The following DMRT1 variants were observed in gnomAD, a reference collection of about 807,000 sequenced individuals.
DMRT1 encodes the protein doublesex- and mab-3-related transcription factor 1.
A neutral mutation model predicts 32.3 loss-of-function variants in DMRT1; 7 were observed. That is an observed-to-expected ratio of 0.22 (90% CI 0.12 to 0.41). The LOEUF is 0.41. DMRT1 is among the 10% of genes least tolerant of loss of function. The probability of loss-of-function intolerance (pLI) is 1.00; values close to 1 mark genes in which losing one functional copy is unlikely to be tolerated. For synonymous variants in DMRT1, 278 were observed against 206.1 expected, an observed-to-expected ratio of 1.35 and a Z score of -2.99; for missense variants, 625 against 500.5, an observed-to-expected ratio of 1.25 and a Z score of -2.37.
At chr9:862,588 T>C (rs1815767039) in intron 2 of DMRT1, among the ~76,000 whole-genome samples, 1 of 152,094 alleles carries the variant, frequency 6.6e-6, no homozygotes, top group Non-Finnish European at 1.5e-5. Flanking sequence ...TGGTGGTGTT[T>C]GAAGGGAACT....
intron 4 of DMRT1, among the ~76,000 whole-genome samples, chr9:967,436 T>A (rs141297936): frequency 6.6e-6 from 1 of 152,266 alleles, no homozygotes; most frequent in Non-Finnish European, 1.5e-5. Context: ...TCTTTTACTT[T>A]TTAAAAGTTA....
At chr9:924,962 G>A (rs921201793) in intron 4 of DMRT1, among the ~76,000 whole-genome samples, 14 of 152,098 alleles carry the variant, frequency 9.2e-5, no homozygotes, top group African/African-American at 3.1e-4. Flanking sequence ...GAGAGCTGTC[G>A]GGCTCCTAAC....
chr9:921,152 C>G (rs1253733683), intron 4 of DMRT1, among the ~76,000 whole-genome samples: 1 of 151,960 alleles, frequency 6.6e-6, no homozygotes, highest in East Asian at 1.9e-4. Flanking sequence ...CAAAAGGAAA[C>G]CCCCCATCCT....
intron 1 of DMRT1, among the ~76,000 whole-genome samples, chr9:845,443 G>A (rs1027889047): frequency 6.6e-6 from 1 of 152,094 alleles, no homozygotes; most frequent in African/African-American, 2.4e-5. Flanking sequence ...CCTGACCTCA[G>A]GTGATACACC....
chr9:950,246 C>T (rs1819384846), intron 4 of DMRT1, among the ~76,000 whole-genome samples: 1 of 152,008 alleles, frequency 6.6e-6, no homozygotes, highest in Non-Finnish European at 1.5e-5. Context: ...CTTTTTGCAG[C>T]AAAATCATGA....
In DMRT1 at chr9:916,993, A is replaced by G. The variant is rs562710207; in HGVS notation, c.967+86A>G. On this transcript the variant is annotated intron_variant, in intron 4 of 4. Transcript: ENST00000382276. The stretch of plus-strand genomic sequence containing the variant: ...GGTCATTAGCTGTGTCTAATGGCTT[A>G]GCTGTTAGTAATTGTTGGAAATTTT... The G allele has an allele frequency of 4.7e-5, 68 of 1,448,686 alleles. 1 individual carries two copies. The South Asian group carries it at 7.2e-4, about 15-fold the overall frequency. 89.7% of individuals were successfully genotyped at this position (1,448,686 alleles called of 1,614,324 possible). A position where few individuals can be genotyped will look rare whatever the true frequency, so the allele number is the denominator to read the frequency against.
At chr9:855,395 A>G (rs998914607) in intron 2 of DMRT1, among the ~76,000 whole-genome samples, 5 of 152,194 alleles carry the variant, frequency 3.3e-5, no homozygotes, top group Non-Finnish European at 7.3e-5. Context: ...TGAAAATCTA[A>G]TCTTTAAGGA....
At chr9:881,371 C>G (rs1816730901) in intron 2 of DMRT1, among the ~76,000 whole-genome samples, 1 of 152,156 alleles carries the variant, frequency 6.6e-6, no homozygotes, top group Admixed American at 6.5e-5. Context: ...TAATTGTATA[C>G]ATTTATGTAG....
intron 3 of DMRT1, among the ~76,000 whole-genome samples, chr9:898,943 C>T (rs1334564052): frequency 6.6e-6 from 1 of 152,160 alleles, no homozygotes; most frequent in Non-Finnish European, 1.5e-5. Context: ...TCTTCGGTTT[C>T]TCTCATCAGT....
At chr9:847,303 A>G (rs1564193418) in intron 2 of DMRT1, among the ~76,000 whole-genome samples, 160 bp downstream of exon 2, 1 of 152,214 alleles carries the variant, frequency 6.6e-6, no homozygotes, top group Non-Finnish European at 1.5e-5. Context: ...TGCCTGCATC[A>G]CAAAGGAGGG....
chr9:910,507 T>C (rs1817935031), intron 3 of DMRT1, among the ~76,000 whole-genome samples: 1 of 151,596 alleles, frequency 6.6e-6, no homozygotes, highest in Non-Finnish European at 1.5e-5. Context: ...AACCAGTGAC[T>C]GGTATTTGGG....
chr9:843,567 G>C (rs936149590), intron 1 of DMRT1, among the ~76,000 whole-genome samples: 2 of 152,146 alleles, frequency 1.3e-5, no homozygotes, highest in African/African-American at 2.4e-5. Context: ...TTCGTAAGTA[G>C]GCTGGTAATT....
At chr9:846,441 ATC>A (rs934385365) in intron 1 of DMRT1, among the ~76,000 whole-genome samples, 5 of 152,022 alleles carry the variant, frequency 3.3e-5, no homozygotes. Flanking sequence ...GGAGTGAGTG[ATC>A]CCATTTTCCT....
At position 968,679 on chromosome 9, in the gene DMRT1, C is replaced by A. The variant is rs1820015448; in HGVS notation, c.*540C>A. On this transcript the variant is annotated 3_prime_UTR_variant, in exon 5 of 5. Coordinates refer to ENST00000382276, the MANE Select transcript of DMRT1 (RefSeq NM_021951.3). ...GCTGTTGGAAATAGCCCCACCCCAT[C>A]CTCCCAATCCAAAACGTAACTGAAA... 6.5e-6 allele frequency: 1 copy of A among 153,106 alleles called. No homozygotes were observed. The highest frequency in any genetic ancestry group is 6.5e-5 in the Admixed American group (1 of 15,430). 9.5% of individuals were successfully genotyped at this position (153,106 alleles called of 1,614,324 possible). A position where few individuals can be genotyped will look rare whatever the true frequency, so the allele number is the denominator to read the frequency against.
chr9:861,050 CTT>C (rs140608243), intron 2 of DMRT1, among the ~76,000 whole-genome samples: 2,074 of 121,308 alleles, frequency 0.017, 38 homozygotes, highest in African/African-American at 0.053. Flanking sequence ...AATTTACTTT[CTT>C]TTTTTTTTTT....
intron 2 of DMRT1, among the ~76,000 whole-genome samples, chr9:893,190 A>G (rs1817219908): frequency 6.6e-6 from 1 of 152,190 alleles, no homozygotes; most frequent in Non-Finnish European, 1.5e-5. Context: ...TTGTTTAATA[A>G]ATGTCCATTG....
At chr9:916,976 G>C (rs1300562889) in intron 4 of DMRT1, 69 bp downstream of exon 4, 4 of 1,553,498 alleles carry the variant, frequency 2.6e-6, no homozygotes, top group Non-Finnish European at 3.6e-6. Context: ...TGGGTCATTA[G>C]CTGTGTCTAA....
intron 4 of DMRT1, among the ~76,000 whole-genome samples, chr9:936,595 T>TA (rs1335220143): frequency 1.3e-5 from 2 of 151,910 alleles, no homozygotes; most frequent in East Asian, 3.9e-4. Context: ...CTACTAAAAA[T>TA]ACAAAGAATT....
At chr9:848,465 A>C (rs913613275) in intron 2 of DMRT1, among the ~76,000 whole-genome samples, 7 of 152,098 alleles carry the variant, frequency 4.6e-5, no homozygotes, top group African/African-American at 1.7e-4. Flanking sequence ...TATGTAATTA[A>C]CAGAGGTCAA....
Sources: allele counts gnomAD v4.1 joint callset (sites outside exome capture counted in the v4.1 genomes callset), GRCh38; gene constraint gnomAD v4.1.1; transcripts MANE v1.5; gene names NCBI Gene and HGNC (gene_info 2026-07-23, HGNC 2026-07-21).